The following OSCP1 variants were observed in gnomAD, a reference collection of about 807,000 sequenced individuals.
OSCP1 encodes the protein protein OSCP1.
OSCP1 carries 35 observed loss-of-function variants against 45.1 expected under a neutral mutation model. That is an observed-to-expected ratio of 0.78 (90% CI 0.59 to 1.03). The LOEUF is 1.03. OSCP1 is among the 50% of genes least tolerant of loss of function. The probability of loss-of-function intolerance (pLI) is 0.00; values close to 1 mark genes in which losing one functional copy is unlikely to be tolerated. For missense variants in OSCP1, 400 were observed against 470.7 expected (o/e 0.85, Z 1.39); for synonymous variants, 179 against 180.1 (o/e 0.99, Z 0.05).
chr1:36,438,232 G>A (rs551210634), intron 2 of OSCP1, among the ~76,000 whole-genome samples: 97 of 147,100 alleles, frequency 6.6e-4, no homozygotes, highest in Non-Finnish European at 8.1e-4. Flanking sequence ...CAGGAGAATC[G>A]CTTGAACCCG....
At chr1:36,443,414 C>T (rs1649318127) in intron 1 of OSCP1, among the ~76,000 whole-genome samples, 1 of 152,178 alleles carries the variant, frequency 6.6e-6, no homozygotes, top group South Asian at 2.1e-4. Context: ...CTGAGAAAGT[C>T]TAAGGCTTTA....
At chr1:36,444,117 A>C (rs997977718) in intron 1 of OSCP1, 6 of 1,459,476 alleles carry the variant, frequency 4.1e-6, no homozygotes, top group Non-Finnish European at 4.8e-6. Flanking sequence ...ACCAATTCCA[A>C]TGATCTTATC....
chr1:36,432,876 T>C (rs573249364), intron 2 of OSCP1, among the ~76,000 whole-genome samples: 5 of 152,294 alleles, frequency 3.3e-5, no homozygotes, highest in African/African-American at 4.8e-5. Flanking sequence ...TGAAATAATA[T>C]TGGCAGCAGC....
chr1:36,442,100 G>A lies in OSCP1; in HGVS notation c.113-3190C>T, dbSNP rs183602168. On this transcript the variant is annotated intron_variant, in intron 1 of 9. Transcript: ENST00000235532. ...AAATTAGCCAGGCGTGGTGGCTCAT[G>A]CCTGTAATCTCAGCTACTCAGGAGG... is the stretch of plus-strand genomic sequence containing the variant. Among the ~76,000 whole-genome samples, 18 of 152,214 alleles carry A rather than the reference G, an allele frequency of 1.2e-4. No homozygotes were observed. The East Asian group carries it at 3.3e-3, about 28-fold the overall frequency.
chr1:36,418,011 A>G lies in OSCP1; in HGVS notation c.*128T>C. ...ACTCACACAGTTCCTTACAACATAA[A>G]TAAGAAATAGACGTAATGGCTTCAC... On this transcript the variant is annotated 3_prime_UTR_variant, in exon 10 of 10. Transcript: ENST00000235532. The G allele has an allele frequency of 1.5e-6, 1 of 682,534 alleles. No homozygotes were observed. The highest frequency in any genetic ancestry group is 1.9e-5 in the South Asian group (1 of 52,024). The allele number at this position is 682,534 out of a possible 1,614,324, so 42.3% of individuals were successfully genotyped here. A position where few individuals can be genotyped will look rare whatever the true frequency, so the allele number is the denominator to read the frequency against.
At chr1:36,419,585 T>A (rs1210027602) in intron 8 of OSCP1, among the ~76,000 whole-genome samples, 1 of 152,018 alleles carries the variant, frequency 6.6e-6, no homozygotes, top group African/African-American at 2.4e-5. Context: ...GAGGATCACA[T>A]GAGATAATGC....
chr1:36,418,992 T>C lies in OSCP1; in HGVS notation c.1022A>G (p.Gln341Arg). ...SYEVINIQAT[Q>R]DQQRSEELAR... is the part of the protein sequence containing the mutation. ...CCCTGTGTTATCCCCTGTACGTACC[T>C]GGGTGGCTTGTATGTTGATAACTTC... The change falls in exon 9 of 10, where the codon CAG becomes CGG. Residue 341 changes from glutamine to arginine, a missense_variant and splice_region_variant. Gln to Arg is a conservative substitution (Grantham distance 43, BLOSUM62 1). Coordinates refer to ENST00000235532, the MANE Select transcript of OSCP1 (RefSeq NM_145047.5). The C allele has an allele frequency of 6.2e-7, 1 of 1,602,876 alleles. No homozygotes were observed. The highest frequency in any genetic ancestry group is 1.7e-4 in the Middle Eastern group (1 of 6,050).
chr1:36,420,390 G>C, intron 8 of OSCP1, 86 bp downstream of exon 8: 1 of 1,423,446 alleles, frequency 7.0e-7, no homozygotes, highest in Middle Eastern at 2.0e-4. Flanking sequence ...ATATTTATAA[G>C]TGCCACTGGT....
intron 1 of OSCP1, 150 bp downstream of exon 1, chr1:36,450,108 G>T: frequency 1.6e-6 from 1 of 630,522 alleles, no homozygotes. Context: ...ACTCCCGAGG[G>T]GCTCCAAATG....
At chr1:36,435,101 T>C (rs1417306860) in intron 2 of OSCP1, among the ~76,000 whole-genome samples, 1 of 147,854 alleles carries the variant, frequency 6.8e-6, no homozygotes, top group East Asian at 1.9e-4. Flanking sequence ...CTTTTTTTTT[T>C]TTTTTTTTTT....
chr1:36,435,961 G>A (rs919033169), intron 2 of OSCP1, among the ~76,000 whole-genome samples: 4 of 151,888 alleles, frequency 2.6e-5, no homozygotes, highest in Admixed American at 6.6e-5. Flanking sequence ...AAGGTAAGTG[G>A]CAAGAGGTAA....
intron 2 of OSCP1, among the ~76,000 whole-genome samples, chr1:36,434,502 C>T (rs931426337): frequency 6.6e-6 from 1 of 152,146 alleles, no homozygotes; most frequent in African/African-American, 2.4e-5. Context: ...GTTATCCCAG[C>T]ACTTTGGGAG....
At chr1:36,427,700 A>G (rs1331278309) in intron 4 of OSCP1, among the ~76,000 whole-genome samples, 3 of 152,238 alleles carry the variant, frequency 2.0e-5, no homozygotes, top group Non-Finnish European at 4.4e-5. Flanking sequence ...AATCCATAAA[A>G]TAATACCCAA....
chr1:36,419,363 C>T, intron 8 of OSCP1: 1 of 410,728 alleles, frequency 2.4e-6, no homozygotes, highest in Non-Finnish European at 4.4e-6. Context: ...TCACTGTCCT[C>T]AATTAGCGCA....
intron 2 of OSCP1, among the ~76,000 whole-genome samples, chr1:36,434,291 C>T (rs931370791): frequency 6.6e-6 from 1 of 152,086 alleles, no homozygotes; most frequent in African/African-American, 2.4e-5. Flanking sequence ...AGGTATTAGC[C>T]CAGTTTAATA....
intron 4 of OSCP1, among the ~76,000 whole-genome samples, chr1:36,424,730 C>G (rs191527977): frequency 6.6e-6 from 1 of 152,192 alleles, no homozygotes; most frequent in Non-Finnish European, 1.5e-5. Context: ...ATAGAGGTTT[C>G]GGTCACTCAC....
At position 36,432,529 on chromosome 1, in the gene OSCP1, C is replaced by T. The variant is rs1648439364; in HGVS notation, c.328G>A (p.Asp110Asn). ...YQVLLCPRPK[D>N]VLLVTFNHLD... is the part of the protein sequence containing the mutation. ...TGATTGAAAGTGACCAGCAGCACATCCTTGGGTCGGGGACACAGCAATACT... is the reference window on the plus strand; with the variant it reads ...TGATTGAAAGTGACCAGCAGCACATTCTTGGGTCGGGGACACAGCAATACT... Residue 110 changes from aspartate (D) to asparagine (N), a missense_variant, in exon 3 of 10, where the codon GAT becomes AAT. Asp to Asn is a conservative substitution (Grantham distance 23). Transcript: ENST00000235532. 1.2e-6 allele frequency: 2 copies of T among 1,614,002 alleles called. No individual in the cohort carries two copies. Among genetic ancestry groups the T allele is most frequent in the African/African-American group, 1.3e-5 (1 of 74,896 alleles).
rs182337804 is a variant in OSCP1, at chr1:36,438,832, T to C, written c.191A>G (p.Lys64Arg). ...CTCATAGACAGTCCTCAGGGCCTTCTTGGAGTAGAGCTCTTGAGGCTTGAA... is the reference window on the plus strand; with the variant it reads ...CTCATAGACAGTCCTCAGGGCCTTCCTGGAGTAGAGCTCTTGAGGCTTGAA... The part of the protein sequence containing the change: ...ELFKPQELYS[K>R]KALRTVYERL... Residue 64 changes from lysine (K) to arginine (R), a missense_variant, in exon 2 of 10, where the codon AAG becomes AGG. Physicochemically the swap from Lys to Arg is conservative, Grantham distance 26 (BLOSUM62 2). Transcript: ENST00000235532. The C allele has an allele frequency of 1.9e-6, 3 of 1,614,178 alleles. No homozygotes were observed. Among genetic ancestry groups the C allele is most frequent in the African/African-American group, 1.3e-5 (1 of 75,058 alleles).
chr1:36,436,564 T>C (rs762507711), intron 2 of OSCP1, among the ~76,000 whole-genome samples: 1 of 152,120 alleles, frequency 6.6e-6, no homozygotes, highest in Non-Finnish European at 1.5e-5. Flanking sequence ...TTGTAGAGAT[T>C]TGGTCTTGCT....
Sources: gnomAD v4.1 joint callset for allele counts (sites outside exome capture counted in the v4.1 genomes callset) on GRCh38, gnomAD v4.1.1 for gene constraint, MANE v1.5 for transcripts, NCBI Gene and HGNC (gene_info 2026-07-23, HGNC 2026-07-21) for gene names.